The following PDZRN3 variants were observed in gnomAD, a reference collection of about 807,000 sequenced individuals.
The protein encoded by PDZRN3 is PDZ domain containing ring finger 3.
Under a neutral mutation model 85.7 loss-of-function variants are expected in PDZRN3, and 38 were observed. That is an observed-to-expected ratio of 0.44 (90% CI 0.34 to 0.58). The LOEUF (loss-of-function observed/expected upper bound fraction) is 0.58. PDZRN3 is among the 20% of genes least tolerant of loss of function. The probability of loss-of-function intolerance (pLI) is 0.01; values close to 1 mark genes in which losing one functional copy is unlikely to be tolerated. For missense variants in PDZRN3, 1,629 were observed against 1,506.4 expected, an observed-to-expected ratio of 1.08 and a Z score of -1.35; for synonymous variants, 759 against 638.0, an observed-to-expected ratio of 1.19 and a Z score of -2.86.
chr3:73,615,702 T>A (rs1478956943), intron 1 of PDZRN3, among the ~76,000 whole-genome samples: 1 of 152,170 alleles, frequency 6.6e-6, no homozygotes, highest in Non-Finnish European at 1.5e-5. Flanking sequence ...GAGAAATAAA[T>A]TTCTGTTGTT....
intron 3 of PDZRN3, among the ~76,000 whole-genome samples, chr3:73,544,994 T>C (rs1037053647): frequency 6.6e-6 from 1 of 151,868 alleles, no homozygotes; most frequent in Non-Finnish European, 1.5e-5. Flanking sequence ...AGCAAAACAA[T>C]AGAAATGATG....
Position 73,624,330 on chromosome 3 carries a change from G to GCGCTCGCGCGCAGCAGTGGCCGCC in PDZRN3, c.472_495dup (p.Gly158_Ala165dup). 1 of 1,309,928 alleles carries GCGCTCGCGCGCAGCAGTGGCCGCC rather than the reference G, an allele frequency of 7.6e-7. No individual in the cohort carries two copies. The highest frequency in any genetic ancestry group is 9.6e-7 in the Non-Finnish European group (1 of 1,036,868). The allele number at this position is 1,309,928 out of a possible 1,614,324, so 81.1% of individuals were successfully genotyped here. Reference sequence around the variant, plus strand: ...TGGAGCGCGCCGTTGTGCGCCCGCAGCGCTCGCGCGCAGCAGTGGCCGCCC... The same window carrying GCGCTCGCGCGCAGCAGTGGCCGCC: ...TGGAGCGCGCCGTTGTGCGCCCGCAGCGCTCGCGCGCAGCAGTGGCCGCCCGCTCGCGCGCAGCAGTGGCCGCCC... On this transcript the variant is annotated inframe_insertion, in exon 1 of 10. Coordinates refer to ENST00000263666, the MANE Select transcript of PDZRN3 (RefSeq NM_015009.3).
At chr3:73,592,484 A>C (rs1369505768) in intron 3 of PDZRN3, among the ~76,000 whole-genome samples, 1 of 152,092 alleles carries the variant, frequency 6.6e-6, no homozygotes, top group African/African-American at 2.4e-5. Flanking sequence ...GAAGCAATGA[A>C]AGAAGGAAAT....
chr3:73,428,406 C>T (rs1216547974), intron 3 of PDZRN3, among the ~76,000 whole-genome samples: 4 of 152,184 alleles, frequency 2.6e-5, no homozygotes, highest in African/African-American at 9.7e-5. Context: ...TTTCTTGCTC[C>T]TCACTCTTCC....
intron 3 of PDZRN3, among the ~76,000 whole-genome samples, chr3:73,534,535 G>A (rs2106763588): frequency 6.6e-6 from 1 of 152,294 alleles, no homozygotes; most frequent in East Asian, 1.9e-4. Flanking sequence ...TAGTTTCCTG[G>A]AATGAAATGC....
At chr3:73,406,654 G>A (rs985073943) in intron 3 of PDZRN3, among the ~76,000 whole-genome samples, 1 of 152,176 alleles carries the variant, frequency 6.6e-6, no homozygotes, top group Non-Finnish European at 1.5e-5. Flanking sequence ...TAGGATTTTC[G>A]AGTGGGTGCT....
At chr3:73,540,539 G>A (rs1416708709) in intron 3 of PDZRN3, among the ~76,000 whole-genome samples, 5 of 152,088 alleles carry the variant, frequency 3.3e-5, no homozygotes, top group Non-Finnish European at 5.9e-5. Flanking sequence ...TCATGGGGGC[G>A]GTTACCCTCA....
At chr3:73,448,437 C>A (rs756903763) in intron 3 of PDZRN3, among the ~76,000 whole-genome samples, 3 of 152,180 alleles carry the variant, frequency 2.0e-5, no homozygotes, top group Non-Finnish European at 4.4e-5. Context: ...CTAGTTCCAT[C>A]CCTTGTATAG....
intron 3 of PDZRN3, among the ~76,000 whole-genome samples, chr3:73,455,956 C>T (rs928793079): frequency 1.3e-5 from 2 of 152,162 alleles, no homozygotes; most frequent in Non-Finnish European, 2.9e-5. Flanking sequence ...TAGTTAATTA[C>T]AGAACCAGCA....
chr3:73,613,580 A>G (rs1259279112), intron 1 of PDZRN3, among the ~76,000 whole-genome samples: 1 of 152,126 alleles, frequency 6.6e-6, no homozygotes, highest in Non-Finnish European at 1.5e-5. Flanking sequence ...AAGAAGGTGA[A>G]GAACAGAGGA....
chr3:73,580,357 C>T (rs1404828122), intron 3 of PDZRN3, among the ~76,000 whole-genome samples: 1 of 152,208 alleles, frequency 6.6e-6, no homozygotes, highest in African/African-American at 2.4e-5. Context: ...CTTTCCCAAA[C>T]CACAAAGAAT....
chr3:73,457,317 C>T (rs1015936355), intron 3 of PDZRN3, among the ~76,000 whole-genome samples: 3 of 152,154 alleles, frequency 2.0e-5, no homozygotes, highest in Non-Finnish European at 4.4e-5. Context: ...AGGTGATCCA[C>T]GTGCCTCAGC....
intron 3 of PDZRN3, among the ~76,000 whole-genome samples, chr3:73,553,160 C>T (rs1202604013): frequency 2.6e-5 from 4 of 152,132 alleles, no homozygotes; most frequent in Non-Finnish European, 5.9e-5. Flanking sequence ...TCAGAAATAG[C>T]CTGTAAAAAT....
At chr3:73,415,922 A>ATAAT (rs1169858398) in intron 3 of PDZRN3, among the ~76,000 whole-genome samples, 1 of 151,798 alleles carries the variant, frequency 6.6e-6, no homozygotes, top group Non-Finnish European at 1.5e-5. Flanking sequence ...ACTATGGCTA[A>ATAAT]TAATAGTGTG....
chr3:73,612,742 G>A (rs1702702377), intron 1 of PDZRN3, among the ~76,000 whole-genome samples: 1 of 152,126 alleles, frequency 6.6e-6, no homozygotes, highest in Non-Finnish European at 1.5e-5. Flanking sequence ...TCTCAGATTG[G>A]CGCAACATCA....
At chr3:73,609,210 C>CA (rs1559756806) in intron 1 of PDZRN3, among the ~76,000 whole-genome samples, 1 of 151,974 alleles carries the variant, frequency 6.6e-6, no homozygotes, top group Admixed American at 6.6e-5. Flanking sequence ...ACACAGAAAA[C>CA]AAAAAATCCT....
At chr3:73,523,006 T>G (rs1010404721) in intron 3 of PDZRN3, among the ~76,000 whole-genome samples, 2 of 151,010 alleles carry the variant, frequency 1.3e-5, no homozygotes, top group Admixed American at 6.6e-5. Context: ...AAAGGAAGAG[T>G]TTTTTTTGTT....
intron 3 of PDZRN3, among the ~76,000 whole-genome samples, chr3:73,465,457 G>A (rs1196145748): frequency 6.6e-6 from 1 of 152,016 alleles, no homozygotes. Flanking sequence ...GAGAAGATTT[G>A]GAAAACAAAA....
chr3:73,509,909 C>T (rs1190336619), intron 3 of PDZRN3, among the ~76,000 whole-genome samples: 6 of 152,326 alleles, frequency 3.9e-5, no homozygotes, highest in East Asian at 1.9e-4. Context: ...AGGCCTCCAG[C>T]CACCCTTTCC....
Sources: allele counts gnomAD v4.1 joint callset (sites outside exome capture counted in the v4.1 genomes callset), GRCh38; gene constraint gnomAD v4.1.1; transcripts MANE v1.5; gene names NCBI Gene and HGNC (gene_info 2026-07-23, HGNC 2026-07-21).